ARB2A: variants seen among roughly 807,000 people sequenced by gnomAD.
ARB2A encodes the protein cotranscriptional regulator ARB2A.
the ARB2A span, among the ~76,000 whole-genome samples, chr5:94,098,692 A>G: frequency 1.2e-4 from 19 of 152,284 alleles, no homozygotes; most frequent in Admixed American, 2.0e-4. Flanking sequence ...CAAACTAAGG[A>G]GTTGATTTTT....
chr5:93,776,302 A>AG, the ARB2A span: 2 of 1,371,802 alleles, frequency 1.5e-6, no homozygotes, highest in East Asian at 4.7e-5. Flanking sequence ...TGGAATTTTT[A>AG]GGGAGAGTTT....
chr5:93,753,409 A>G, the ARB2A span, among the ~76,000 whole-genome samples: 1 of 152,242 alleles, frequency 6.6e-6, no homozygotes, highest in Non-Finnish European at 1.5e-5. Context: ...CTATTTAAGC[A>G]AATAAAAATT....
At chr5:93,690,352 C>A in the ARB2A span, among the ~76,000 whole-genome samples, 1 of 152,202 alleles carries the variant, frequency 6.6e-6, no homozygotes, top group East Asian at 1.9e-4. Context: ...ACCTGGGATG[C>A]TCCAGCTTGG....
chr5:94,084,485 T>C, the ARB2A span, among the ~76,000 whole-genome samples: 1 of 152,148 alleles, frequency 6.6e-6, no homozygotes, highest in Non-Finnish European at 1.5e-5. Flanking sequence ...CTACTTTATA[T>C]GTAGATCTAA....
chr5:93,861,182 C>T, the ARB2A span: 8 of 152,202 alleles, frequency 5.3e-5, no homozygotes, highest in South Asian at 1.4e-3. Context: ...GTCAAACCAT[C>T]TTCTCCTGAA....
At chr5:93,884,066 T>C in the ARB2A span, among the ~76,000 whole-genome samples, 4 of 151,608 alleles carry the variant, frequency 2.6e-5, no homozygotes, top group South Asian at 2.1e-4. Flanking sequence ...AATGATAATA[T>C]GAAAAATTTC....
chr5:93,917,958 T>C, the ARB2A span, among the ~76,000 whole-genome samples: 1 of 152,124 alleles, frequency 6.6e-6, no homozygotes, highest in South Asian at 2.1e-4. Flanking sequence ...CCCCAAAATG[T>C]GGTTGCTTTT....
At chr5:93,825,823 A>C in the ARB2A span, among the ~76,000 whole-genome samples, 2 of 151,754 alleles carry the variant, frequency 1.3e-5, no homozygotes, top group East Asian at 3.9e-4. Context: ...GTTAGATGTG[A>C]AAATATTTAA....
chr5:94,021,348 C>T, the ARB2A span, among the ~76,000 whole-genome samples: 1 of 152,138 alleles, frequency 6.6e-6, no homozygotes, highest in Non-Finnish European at 1.5e-5. Context: ...ATATGTGTGC[C>T]CTTCTACCAG....
chr5:93,684,629 A>G, the ARB2A span, among the ~76,000 whole-genome samples: 1 of 152,212 alleles, frequency 6.6e-6, no homozygotes, highest in Non-Finnish European at 1.5e-5. Flanking sequence ...ATTTTAAAGC[A>G]CAACTTAAAG....
the ARB2A span, among the ~76,000 whole-genome samples, chr5:93,963,551 T>C: frequency 6.6e-6 from 1 of 151,988 alleles, no homozygotes. Flanking sequence ...ATGGAATCAG[T>C]TCTGGAGAGG....
chr5:93,963,501 C>A, the ARB2A span, among the ~76,000 whole-genome samples: 1 of 151,744 alleles, frequency 6.6e-6, no homozygotes, highest in Non-Finnish European at 1.5e-5. Flanking sequence ...AGGTTACTTA[C>A]GGAAAATCAA....
chr5:93,738,957 C>T, the ARB2A span: 1 of 152,018 alleles, frequency 6.6e-6, no homozygotes, highest in Non-Finnish European at 1.5e-5. Flanking sequence ...ATCACACACA[C>T]AAAAATAGGC....
chr5:93,845,317 T>C, the ARB2A span, among the ~76,000 whole-genome samples: 1 of 152,192 alleles, frequency 6.6e-6, no homozygotes, highest in Non-Finnish European at 1.5e-5. Context: ...ATAGTTAACA[T>C]ACAGGCTCCA....
chr5:93,783,728 C>G, the ARB2A span, among the ~76,000 whole-genome samples: 1 of 152,004 alleles, frequency 6.6e-6, no homozygotes, highest in Non-Finnish European at 1.5e-5. Flanking sequence ...GTCATAGGAA[C>G]AAAAAATATA....
the ARB2A span, among the ~76,000 whole-genome samples, chr5:94,006,451 C>T: frequency 2.0e-5 from 3 of 152,150 alleles, no homozygotes; most frequent in Non-Finnish European, 2.9e-5. Flanking sequence ...AGATGTTCTA[C>T]GTCTTGATTA....
chr5:93,724,326 C>T, the ARB2A span, among the ~76,000 whole-genome samples: 1 of 151,934 alleles, frequency 6.6e-6, no homozygotes, highest in African/African-American at 2.4e-5. Flanking sequence ...AAGACGTCCG[C>T]CAACAGATAC....
chr5:93,827,982 C>T, the ARB2A span, among the ~76,000 whole-genome samples: 47 of 152,238 alleles, frequency 3.1e-4, no homozygotes, highest in Middle Eastern at 6.8e-3. Context: ...CATGCTGTTT[C>T]GGTTACTGTA....
the ARB2A span, among the ~76,000 whole-genome samples, chr5:93,885,600 A>G: frequency 1.5e-4 from 23 of 151,826 alleles, no homozygotes; most frequent in Admixed American, 1.4e-3. Context: ...GTTGTTAATT[A>G]ACTCATGTTT....
Sources: gnomAD v4.1 joint callset for allele counts (sites outside exome capture counted in the v4.1 genomes callset) on GRCh38, gnomAD v4.1.1 for gene constraint, MANE v1.5 for transcripts, NCBI Gene and HGNC (gene_info 2026-07-23, HGNC 2026-07-21) for gene names.